Variants in CMIP observed in about 807,000 individuals in gnomAD.
CMIP encodes C-Maf-inducing protein.
CMIP carries 13 observed loss-of-function variants against 97.3 expected under a neutral mutation model. The ratio of observed to expected loss-of-function variants is 0.13; its 90% CI spans 0.09 to 0.21. The LOEUF (loss-of-function observed/expected upper bound fraction) is 0.21. Ranked by LOEUF, CMIP falls within the 10% of genes least tolerant of loss-of-function variation. CMIP has a pLI of 1.00. For synonymous variants in CMIP, 538 were observed against 436.3 expected (o/e 1.23, Z -2.91); for missense variants, 847 against 1,024.9 (o/e 0.83, Z 2.37).
intron 1 of CMIP, among the ~76,000 whole-genome samples, chr16:81,526,037 G>T (rs1289567378): frequency 1.3e-5 from 2 of 151,910 alleles, no homozygotes; most frequent in Non-Finnish European, 2.9e-5. Flanking sequence ...CGTCCATTCA[G>T]TTTGTCCGTT....
At chr16:81,469,189 G>T (rs551417511) in intron 1 of CMIP, among the ~76,000 whole-genome samples, 2 of 152,340 alleles carry the variant, frequency 1.3e-5, no homozygotes, top group African/African-American at 4.8e-5. Context: ...GGCAGCCCTT[G>T]GGGTCATTCT....
intron 1 of CMIP, among the ~76,000 whole-genome samples, chr16:81,601,451 C>G (rs1311307541): frequency 6.6e-6 from 1 of 152,172 alleles, no homozygotes; most frequent in African/African-American, 2.4e-5. Flanking sequence ...CCCACCCACT[C>G]TGGAAGCAGG....
intron 3 of CMIP, chr16:81,622,052 T>C (rs1412926441): frequency 6.6e-6 from 1 of 152,218 alleles, no homozygotes; most frequent in East Asian, 1.9e-4. Flanking sequence ...TGGCGTGTTT[T>C]GAGCTCCTAC....
intron 2 of CMIP, chr16:81,619,282 C>G (rs1036544832): frequency 3.3e-5 from 5 of 152,208 alleles, no homozygotes; most frequent in African/African-American, 1.2e-4. Flanking sequence ...AGCTCACTCA[C>G]CAGAGCCTGA....
intron 1 of CMIP, among the ~76,000 whole-genome samples, chr16:81,499,764 C>T (rs573758577): frequency 1.3e-5 from 2 of 152,360 alleles, no homozygotes; most frequent in East Asian, 1.9e-4. Context: ...TACCCAGCAG[C>T]GCCCTCTGAA....
chr16:81,635,148 A>T (rs919280753), intron 3 of CMIP, among the ~76,000 whole-genome samples: 2 of 152,150 alleles, frequency 1.3e-5, no homozygotes, highest in Non-Finnish European at 2.9e-5. Flanking sequence ...TTGTTTCCTG[A>T]AATGCCCTGA....
At chr16:81,517,125 G>A (rs1442717657) in intron 1 of CMIP, among the ~76,000 whole-genome samples, 1 of 151,734 alleles carries the variant, frequency 6.6e-6, no homozygotes, top group East Asian at 1.9e-4. Context: ...GGTCTTCAGC[G>A]AAAAACCAGA....
chr16:81,492,121 C>G (rs571724986), intron 1 of CMIP, among the ~76,000 whole-genome samples: 8 of 152,116 alleles, frequency 5.3e-5, no homozygotes, highest in Non-Finnish European at 1.2e-4. Context: ...GAAAAATTCC[C>G]AGGAGGGAGA....
At chr16:81,448,090 G>C (rs2150726097) in intron 1 of CMIP, among the ~76,000 whole-genome samples, 1 of 152,364 alleles carries the variant, frequency 6.6e-6, no homozygotes, top group South Asian at 2.1e-4. Flanking sequence ...ACCCTTTGCA[G>C]TCCTGTGGCT....
intron 1 of CMIP, among the ~76,000 whole-genome samples, chr16:81,545,118 C>T (rs1412260944): frequency 1.3e-5 from 2 of 152,152 alleles, no homozygotes; most frequent in East Asian, 3.9e-4. Context: ...GCCAGGGTTC[C>T]CCTTTCCGCT....
At chr16:81,507,019 G>T (rs527801493) in intron 1 of CMIP, among the ~76,000 whole-genome samples, 9 of 151,858 alleles carry the variant, frequency 5.9e-5, no homozygotes, top group African/African-American at 2.2e-4. Flanking sequence ...TTGGGAGGCC[G>T]AGGTAGGTGG....
chr16:81,623,157 T>C (rs1303970149), intron 3 of CMIP, among the ~76,000 whole-genome samples: 2 of 152,062 alleles, frequency 1.3e-5, no homozygotes, highest in Non-Finnish European at 2.9e-5. Flanking sequence ...TGAGCCAAGA[T>C]TGGTCCACTG....
At chr16:81,506,772 G>A (rs982707128) in intron 1 of CMIP, among the ~76,000 whole-genome samples, 1 of 152,184 alleles carries the variant, frequency 6.6e-6, no homozygotes. Context: ...GTGTGTGGTG[G>A]TGTGCGCCTA....
intron 7 of CMIP, chr16:81,664,554 T>G: frequency 1.7e-6 from 1 of 582,348 alleles, no homozygotes; most frequent in Non-Finnish European, 3.0e-6. Flanking sequence ...AGAATCTTTT[T>G]GCAGTTCCTA....
chr16:81,468,382 C>A lies in CMIP; in HGVS notation c.300+22841C>A, dbSNP rs113303336. 1.8e-3 allele frequency among the ~76,000 whole-genome samples: 272 copies of A among 152,374 alleles called. 1 individual carries two copies. Among genetic ancestry groups the A allele is most frequent in the African/African-American group, 6.2e-3 (259 of 41,596 alleles). The stretch of plus-strand genomic sequence containing the variant: ...CGGGGCTGGAATTCCAGCTCTGCGG[C>A]CCCATCTGCATGAGTGTCCCTCTCC... On this transcript the variant is annotated intron_variant, in intron 1 of 20. Transcript: ENST00000537098.
intron 1 of CMIP, among the ~76,000 whole-genome samples, chr16:81,586,855 G>A (rs559159040): frequency 1.6e-4 from 25 of 152,188 alleles, no homozygotes; most frequent in East Asian, 5.8e-4. Context: ...CAAATGAACC[G>A]AGGGGGCATT....
chr16:81,544,759 G>A (rs1490634930), intron 1 of CMIP, among the ~76,000 whole-genome samples: 1 of 151,972 alleles, frequency 6.6e-6, no homozygotes, highest in Non-Finnish European at 1.5e-5. Context: ...ATTTGTGTAT[G>A]TGTGGAGTGT....
intron 11 of CMIP, among the ~76,000 whole-genome samples, chr16:81,692,350 C>T (rs1021863704): frequency 1.3e-5 from 2 of 152,242 alleles, no homozygotes; most frequent in African/African-American, 4.8e-5. Flanking sequence ...AGACCCTCTG[C>T]CTCTCTCTTG....
chr16:81,507,447 T>C (rs1448942166), intron 1 of CMIP, among the ~76,000 whole-genome samples: 1 of 152,166 alleles, frequency 6.6e-6, no homozygotes, highest in East Asian at 1.9e-4. Flanking sequence ...ACTTGACTTG[T>C]GGATTCAGAG....
Sources: gnomAD v4.1 joint callset for allele counts (sites outside exome capture counted in the v4.1 genomes callset) on GRCh38, gnomAD v4.1.1 for gene constraint, MANE v1.5 for transcripts, NCBI Gene and HGNC (gene_info 2026-07-23, HGNC 2026-07-21) for gene names.